The following ANKRD36 variants were observed in gnomAD, a reference collection of about 807,000 sequenced individuals.
ANKRD36 encodes ankyrin repeat domain 36, also known as ankyrin repeat domain-containing protein 36A.
In ANKRD36, 179 loss-of-function variants were observed where a neutral mutation model predicts 278.1. The observed-to-expected ratio is 0.64, with a 90% CI of 0.57 to 0.73. The LOEUF is 0.73. ANKRD36 is among the 30% of genes least tolerant of loss of function. The probability of loss-of-function intolerance (pLI) is 0.00; values close to 1 mark genes in which losing one functional copy is unlikely to be tolerated. For synonymous variants in ANKRD36, 320 were observed against 641.1 expected (o/e 0.50, Z 7.57); for missense variants, 1,159 against 1,956.7 (o/e 0.59, Z 7.69).
intron 17 of ANKRD36, among the ~76,000 whole-genome samples, chr2:97,160,920 A>G (rs2153487888): frequency 6.6e-6 from 1 of 152,230 alleles, no homozygotes; most frequent in South Asian, 2.1e-4. Flanking sequence ...TATTCCAGAA[A>G]TAAATGTCTG....
In ANKRD36 at chr2:97,182,066, A is replaced by C. The variant is rs539000436; in HGVS notation, c.1837+273A>C. Among the ~76,000 whole-genome samples the C allele has an allele frequency of 2.5e-3, 373 of 151,422 alleles. 3 individuals carry two copies. The highest frequency in any genetic ancestry group is 8.9e-3 in the African/African-American group (367 of 41,426). On this transcript the variant is annotated intron_variant, in intron 26 of 75. Transcript: ENST00000420699. ...CAGGGGACAGCATAATTTTGCATTA[A>C]TTCTACAGCATGTTTTCACCAAGGG...
Position 97,191,181 on chromosome 2 carries a change from G to A in ANKRD36, c.2347G>A (p.Val783Met). 1.3e-6 allele frequency: 2 copies of A among 1,587,522 alleles called. No individual in the cohort carries two copies. Among genetic ancestry groups the A allele is most frequent in the Non-Finnish European group, 1.7e-6 (2 of 1,166,798 alleles). The change falls in exon 36 of 76, where the codon GTG becomes ATG. Residue 783 changes from valine to methionine, a missense_variant and splice_region_variant. By Grantham distance (21) the Val-to-Met change is conservative. Transcript: ENST00000420699. Reference sequence around the variant, plus strand: ...AAAGGATGGAGAAAAATCTGGGACAGGTAATTTTGCAAAAGACATTTAATG... The same window carrying A: ...AAAGGATGGAGAAAAATCTGGGACAAGTAATTTTGCAAAAGACATTTAATG... ...EIKDGEKSGT[V>M]SSQKPPALTA...
Position 97,200,469 on chromosome 2 carries a change from A to C in ANKRD36, c.2801A>C (p.Lys934Thr). The change falls in exon 46 of 76, where the codon AAG becomes ACG. Residue 934 changes from lysine (K) to threonine (T), a missense_variant. By Grantham distance (78) the Lys-to-Thr change is moderately conservative (BLOSUM62 -1). Transcript: ENST00000420699. ...TCCATTCAGGCCACAAGTGATGAGA[A>C]GGATTCTTTTTCGAATATAACCAGA... Reference protein sequence around the residue: ...KPSLEATSDEKDSFSNITREK... With the variant: ...KPSLEATSDETDSFSNITREK... 3 of 1,591,118 alleles carry C rather than the reference A, an allele frequency of 1.9e-6. No homozygotes were observed. The highest frequency in any genetic ancestry group is 1.7e-6 in the Non-Finnish European group (2 of 1,173,826).
intron 6 of ANKRD36, among the ~76,000 whole-genome samples, chr2:97,134,589 A>G (rs1159444461): frequency 1.3e-5 from 2 of 152,092 alleles, no homozygotes; most frequent in East Asian, 1.9e-4. Context: ...CTATATTATT[A>G]TAACATGACT....
Position 97,204,577 on chromosome 2 carries a change from G to A in ANKRD36, c.3061+314G>A, listed in dbSNP as rs192885166. Among the ~76,000 whole-genome samples, 11 of 151,330 alleles carry A rather than the reference G, an allele frequency of 7.3e-5. No individual in the cohort carries two copies. In the Admixed American group the frequency reaches 7.3e-4, roughly 10 times the overall value. ...CAGCTTGTTTTCAGTAGGGGTGGAG[G>A]GGAAAAGAGAGGAAGTATAGAATTA... On this transcript the variant is annotated intron_variant, in intron 50 of 75. Coordinates refer to ENST00000420699, the MANE Select transcript of ANKRD36 (RefSeq NM_001354587.1).
At chr2:97,173,719 G>C (rs1313877340) in intron 22 of ANKRD36, among the ~76,000 whole-genome samples, 2 of 151,708 alleles carry the variant, frequency 1.3e-5, no homozygotes, top group African/African-American at 4.8e-5. Context: ...AGGTAATTTG[G>C]AGGTTTCTGA....
In ANKRD36 at chr2:97,159,401, G is replaced by T. The variant is rs1445268993; in HGVS notation, c.1389+746G>T. Among the ~76,000 whole-genome samples, 16 of 152,022 alleles carry T rather than the reference G, an allele frequency of 1.1e-4. 1 individual carries two copies. In the East Asian group the frequency reaches 2.7e-3, roughly 26 times the overall value. ...ATATAGATGGATCAAATCATCACACGTACACTGAAAATATATGCATCTATT... is the reference window on the plus strand; with the variant it reads ...ATATAGATGGATCAAATCATCACACTTACACTGAAAATATATGCATCTATT... On this transcript the variant is annotated intron_variant, in intron 17 of 75. Coordinates refer to ENST00000420699, the MANE Select transcript of ANKRD36 (RefSeq NM_001354587.1).
chr2:97,176,513 G>A lies in ANKRD36; in HGVS notation c.1634-3225G>A, dbSNP rs986740764. Among the ~76,000 whole-genome samples, 12 of 147,410 alleles carry A rather than the reference G, an allele frequency of 8.1e-5. No homozygotes were observed. In the East Asian group the frequency reaches 1.6e-3, roughly 19 times the overall value. On this transcript the variant is annotated intron_variant, in intron 22 of 75. Coordinates refer to ENST00000420699, the MANE Select transcript of ANKRD36 (RefSeq NM_001354587.1). ...CTCCATCCTTTTATTTTGAGTCTAT[G>A]TGTGTCTCTGCACGTGAGATGGGTT...
Position 97,187,181 on chromosome 2 carries a change from T to G in ANKRD36, c.2042-17T>G, listed in dbSNP as rs2057581297. On this transcript the variant is annotated splice_polypyrimidine_tract_variant and intron_variant, in intron 30 of 75. Transcript: ENST00000420699. ...ATATTTACATATGAGTGATTATGTA[T>G]CCCTTTTGCTTTTCAGTGTCTTCTC... The G allele has an allele frequency of 6.2e-7, 1 of 1,609,322 alleles. No homozygotes were observed. Among genetic ancestry groups the G allele is most frequent in the South Asian group, 1.1e-5 (1 of 90,802 alleles).
intron 14 of ANKRD36, among the ~76,000 whole-genome samples, chr2:97,153,409 C>T (rs80041898): frequency 2.6e-5 from 4 of 151,940 alleles, no homozygotes; most frequent in Non-Finnish European, 5.9e-5. Context: ...TCCCCATTTT[C>T]CTATAGACAA....
Position 97,144,507 on chromosome 2 carries a change from T to G in ANKRD36, c.902-11T>G. ...ACATATGAGTGATTATGTATCCCTTTTGGTTTTCAGTGTCTTCTCAGAAAC... is the reference window on the plus strand; with the variant it reads ...ACATATGAGTGATTATGTATCCCTTGTGGTTTTCAGTGTCTTCTCAGAAAC... On this transcript the variant is annotated splice_polypyrimidine_tract_variant and intron_variant, in intron 8 of 75. Coordinates refer to ENST00000420699, the MANE Select transcript of ANKRD36 (RefSeq NM_001354587.1). The G allele has an allele frequency of 6.2e-7, 1 of 1,603,030 alleles. No homozygotes were observed. The highest frequency in any genetic ancestry group is 8.5e-7 in the Non-Finnish European group (1 of 1,178,928).
At chr2:97,128,455 C>T (rs1233509948) in intron 6 of ANKRD36, among the ~76,000 whole-genome samples, 4 of 150,894 alleles carry the variant, frequency 2.7e-5, no homozygotes, top group Non-Finnish European at 5.9e-5. Context: ...TAAGATTACT[C>T]AAAAGCCAAT....
At chr2:97,194,357 C>T (rs1390482681) in intron 38 of ANKRD36, among the ~76,000 whole-genome samples, 4 of 151,648 alleles carry the variant, frequency 2.6e-5, no homozygotes, top group Admixed American at 2.6e-4. Context: ...GCATGAAAGA[C>T]ATATGGGATC....
intron 6 of ANKRD36, among the ~76,000 whole-genome samples, chr2:97,130,615 C>A (rs946064417): frequency 6.8e-6 from 1 of 147,398 alleles, no homozygotes; most frequent in African/African-American, 2.4e-5. Flanking sequence ...AGCCTACATA[C>A]GAGCAGTTTG....
intron 22 of ANKRD36, among the ~76,000 whole-genome samples, chr2:97,175,578 C>A (rs1237475188): frequency 6.6e-6 from 1 of 151,768 alleles, no homozygotes; most frequent in East Asian, 1.9e-4. Flanking sequence ...AAAACCAGCT[C>A]CTGGATTCAT....
intron 1 of ANKRD36, among the ~76,000 whole-genome samples, chr2:97,115,544 G>A (rs1007246296): frequency 3.3e-5 from 5 of 152,104 alleles, no homozygotes; most frequent in Non-Finnish European, 7.3e-5. Flanking sequence ...ATAGAGCAAA[G>A]CATTTATTTT....
intron 32 of ANKRD36, among the ~76,000 whole-genome samples, chr2:97,188,428 C>T (rs2057878348): frequency 1.3e-5 from 2 of 151,588 alleles, no homozygotes; most frequent in Non-Finnish European, 2.9e-5. Flanking sequence ...TGCTTTGGTG[C>T]CACGACTGGA....
At chr2:97,191,503 G>A (rs1406322698) in intron 36 of ANKRD36, among the ~76,000 whole-genome samples, 1 of 151,670 alleles carries the variant, frequency 6.6e-6, no homozygotes. Context: ...AGGAGAAAGA[G>A]AGGAAGTATA....
At chr2:97,120,481 G>T (rs2036511487) in intron 3 of ANKRD36, among the ~76,000 whole-genome samples, 1 of 142,914 alleles carries the variant, frequency 7.0e-6, no homozygotes, top group Non-Finnish European at 1.6e-5. Flanking sequence ...AAAAAAATTA[G>T]GTTACAATAT....
Sources: gnomAD v4.1 joint callset for allele counts (sites outside exome capture counted in the v4.1 genomes callset) on GRCh38, gnomAD v4.1.1 for gene constraint, MANE v1.5 for transcripts, NCBI Gene and HGNC (gene_info 2026-07-23, HGNC 2026-07-21) for gene names.